The following PVT1 variants were observed in gnomAD, a reference collection of about 807,000 sequenced individuals.
PVT1 encodes CXCR4/PVT1 fusion.
chr8:127,833,715 A>G (rs1259753824), intron 2 of PVT1, among the ~76,000 whole-genome samples: 1 of 152,118 alleles, frequency 6.6e-6, no homozygotes, highest in Non-Finnish European at 1.5e-5. Flanking sequence ...CAGCCTCCCA[A>G]AGTGCTGGGA....
intron 2 of PVT1, among the ~76,000 whole-genome samples, chr8:127,802,843 T>C (rs1323778502): frequency 1.3e-5 from 2 of 151,880 alleles, no homozygotes; most frequent in Non-Finnish European, 2.9e-5. Flanking sequence ...AGAAGGCAGG[T>C]TGAAATGGGA....
At chr8:127,993,954 A>G (rs1817074043) in intron 4 of PVT1, among the ~76,000 whole-genome samples, 1 of 152,172 alleles carries the variant, frequency 6.6e-6, no homozygotes, top group Admixed American at 6.5e-5. Flanking sequence ...TGGATGCCAG[A>G]ATTTCACAGA....
At chr8:127,930,712 C>A (rs1208227980) in intron 3 of PVT1, among the ~76,000 whole-genome samples, 1 of 152,108 alleles carries the variant, frequency 6.6e-6, no homozygotes, top group African/African-American at 2.4e-5. Flanking sequence ...CGTACCCCCT[C>A]ACTGACATGC....
chr8:127,977,843 A>G (rs1254792909), intron 3 of PVT1, among the ~76,000 whole-genome samples: 3 of 152,218 alleles, frequency 2.0e-5, no homozygotes, highest in Non-Finnish European at 2.9e-5. Context: ...TTAAGTCTGT[A>G]AACCGCAGTT....
intron 3 of PVT1, chr8:127,948,087 G>A (rs1052942165): frequency 2.7e-6 from 1 of 376,726 alleles, no homozygotes; most frequent in South Asian, 2.0e-5. Context: ...TCTTCTGCCA[G>A]CCCCGGTCAG....
intron 4 of PVT1, among the ~76,000 whole-genome samples, chr8:128,015,570 C>T (rs1454119967): frequency 6.6e-6 from 1 of 151,910 alleles, no homozygotes; most frequent in Non-Finnish European, 1.5e-5. Flanking sequence ...GTCAAGAAAT[C>T]GAGACCATCC....
chr8:127,987,843 G>A (rs532396510), intron 3 of PVT1, among the ~76,000 whole-genome samples: 21 of 152,352 alleles, frequency 1.4e-4, no homozygotes, highest in Non-Finnish European at 2.5e-4. Context: ...TGCCTGAGGC[G>A]TGTGGGAGGC....
intron 5 of PVT1, among the ~76,000 whole-genome samples, chr8:128,096,262 C>A (rs1400349651): frequency 6.6e-6 from 1 of 152,182 alleles, no homozygotes; most frequent in African/African-American, 2.4e-5. Context: ...GTTTTTCAAT[C>A]TGTAAAATGG....
rs193241057 is a variant in PVT1, at chr8:127,963,581, A to G, written n.783-25581A>G. Among the ~76,000 whole-genome samples, 726 of 144,084 alleles carry G rather than the reference A, an allele frequency of 5.0e-3. 5 individuals are homozygous for G. The highest frequency in any genetic ancestry group is 0.018 in the African/African-American group (701 of 38,552). 94.5% of individuals were successfully genotyped at this position (144,084 alleles called of 152,430 possible). ...AAGGCAGCACCCCCCACCCCCCTCCACCCTTTTTTTGAAGCAGCAGCATTT... is the reference window on the plus strand; with the variant it reads ...AAGGCAGCACCCCCCACCCCCCTCCGCCCTTTTTTTGAAGCAGCAGCATTT... On this transcript the variant is annotated intron_variant and non_coding_transcript_variant, in intron 3 of 10. Transcript: ENST00000651587.
intron 4 of PVT1, among the ~76,000 whole-genome samples, chr8:128,040,853 G>A (rs1245455599): frequency 1.3e-5 from 2 of 151,550 alleles, no homozygotes; most frequent in South Asian, 2.1e-4. Context: ...TTGTGCTTGT[G>A]TATTTGTATG....
At chr8:127,919,559 A>T (rs1277099806) in intron 3 of PVT1, among the ~76,000 whole-genome samples, 1 of 152,132 alleles carries the variant, frequency 6.6e-6, no homozygotes, top group Non-Finnish European at 1.5e-5. Context: ...AGCAGTCACC[A>T]TCCTGCTACC....
chr8:128,016,707 T>C (rs1817378916), intron 4 of PVT1, among the ~76,000 whole-genome samples: 3 of 152,346 alleles, frequency 2.0e-5, no homozygotes, highest in African/African-American at 7.2e-5. Flanking sequence ...GAGTCATGCC[T>C]GTACTGCTCT....
rs146118350 is a variant in PVT1 at position 127,879,145 on chromosome 8, T to G, written n.373-11444T>G. On this transcript the variant is annotated intron_variant and non_coding_transcript_variant, in intron 2 of 10. Coordinates refer to ENST00000651587, the Ensembl canonical transcript of PVT1. Reference sequence around the variant, plus strand: ...CCCAGCAAAGTGCCATTCCCATCTCTTTCTTTTAGAAGCTTCTTATCCTAT... The same window carrying G: ...CCCAGCAAAGTGCCATTCCCATCTCGTTCTTTTAGAAGCTTCTTATCCTAT... Among the ~76,000 whole-genome samples the G allele has an allele frequency of 5.2e-3, 795 of 152,388 alleles. 6 individuals are homozygous for G. Among genetic ancestry groups the G allele is most frequent in the African/African-American group, 0.018 (764 of 41,592 alleles).
intron 4 of PVT1, among the ~76,000 whole-genome samples, chr8:128,032,994 A>G (rs916495154): frequency 2.6e-5 from 4 of 152,164 alleles, no homozygotes; most frequent in African/African-American, 9.7e-5. Context: ...GTGAGGGTGC[A>G]GGTAGGGTGA....
intron 2 of PVT1, among the ~76,000 whole-genome samples, chr8:127,862,458 C>T (rs1170107158): frequency 6.6e-6 from 1 of 152,010 alleles, no homozygotes; most frequent in African/African-American, 2.4e-5. Flanking sequence ...CAGGGTCTCG[C>T]TTTTTCACCC....
chr8:128,061,014 A>T (rs948918134), intron 4 of PVT1, among the ~76,000 whole-genome samples: 101 of 148,232 alleles, frequency 6.8e-4, no homozygotes, highest in Non-Finnish European at 9.0e-4. Context: ...GGTTCAAGTG[A>T]TTCTCCTGCC....
intron 3 of PVT1, among the ~76,000 whole-genome samples, chr8:127,891,581 AC>A (rs1252651414): frequency 2.0e-5 from 3 of 152,238 alleles, no homozygotes; most frequent in African/African-American, 7.2e-5. Flanking sequence ...GTATTATCAC[AC>A]GTCACAGGAC....
At chr8:127,970,606 T>G (rs1264722894) in intron 3 of PVT1, among the ~76,000 whole-genome samples, 2 of 152,096 alleles carry the variant, frequency 1.3e-5, no homozygotes, top group East Asian at 1.9e-4. Context: ...GCCGACTTGT[T>G]TTTTTACTAG....
intron 3 of PVT1, among the ~76,000 whole-genome samples, chr8:127,928,763 C>CGGT (rs1164271255): frequency 6.6e-6 from 1 of 152,204 alleles, no homozygotes; most frequent in African/African-American, 2.4e-5. Flanking sequence ...TGTCCTGCTG[C>CGGT]GGTGGCTGCA....
Sources: allele counts gnomAD v4.1 joint callset (sites outside exome capture counted in the v4.1 genomes callset), GRCh38; gene constraint gnomAD v4.1.1; transcripts MANE v1.5; gene names NCBI Gene and HGNC (gene_info 2026-07-23, HGNC 2026-07-21).